ATP6V1B2: variants seen among roughly 807,000 people sequenced by gnomAD.
ATP6V1B2 encodes the protein ATPase H+ transporting V1 subunit B2, also known as V-type proton ATPase subunit B, brain isoform.
ATP6V1B2 carries 23 observed loss-of-function variants against 66.7 expected under a neutral mutation model. The observed-to-expected ratio is 0.34, with a 90% CI of 0.25 to 0.49. ATP6V1B2 has a LOEUF of 0.49. Ranked by LOEUF, ATP6V1B2 falls within the 20% of genes least tolerant of loss-of-function variation. The pLI, the probability that ATP6V1B2 is intolerant of heterozygous loss-of-function variation, is 0.99. For missense variants in ATP6V1B2, 478 were observed against 650.8 expected, an observed-to-expected ratio of 0.73 and a Z score of 2.89; for synonymous variants, 278 against 236.7, an observed-to-expected ratio of 1.17 and a Z score of -1.60.
chr8:20,197,439 C>T lies in ATP6V1B2; in HGVS notation c.33C>T (p.Asn11=). 1.3e-6 allele frequency: 2 copies of T among 1,545,106 alleles called. No homozygotes were observed. The highest frequency in any genetic ancestry group is 1.7e-6 in the Non-Finnish European group (2 of 1,146,696). The part of the protein sequence containing the change: MALRAMRGIV[N]GAAPELPVPT... ...TGCGGGCGATGCGGGGGATTGTCAA[C>T]GGGGCCGCACCCGAGCTACCCGTGC... Residue 11 remains asparagine (N), a synonymous_variant, in exon 1 of 14, where the codon AAC becomes AAT. Transcript: ENST00000276390.
At chr8:20,217,112 TG>T (rs1170600450) in intron 11 of ATP6V1B2, 107 bp from the exon 12 acceptor site, 2 of 911,484 alleles carry the variant, frequency 2.2e-6, no homozygotes, top group Non-Finnish European at 3.5e-6. Flanking sequence ...ATGCAGCGGT[TG>T]TCTTTGATTT....
At chr8:20,214,650 T>G in intron 9 of ATP6V1B2, 168 bp from the exon 10 acceptor site, 1 of 741,300 alleles carries the variant, frequency 1.3e-6, no homozygotes, top group Non-Finnish European at 1.9e-6. Flanking sequence ...ACAGAATACT[T>G]TGAATTTATG....
rs2072896990 is a variant in ATP6V1B2, at chr8:20,220,461, C to A, written c.*59C>A. 6 of 1,481,728 alleles carry A rather than the reference C, an allele frequency of 4.0e-6. No homozygotes were observed. The East Asian group carries it at 1.5e-4, about 38-fold the overall frequency. The allele number at this position is 1,481,728 out of a possible 1,614,324, so 91.8% of individuals were successfully genotyped here. ...AATACTGGTTCTGTTTTCTTTATTC[C>A]TTTTGCACTCTCGGTTCCCACCTTT... On this transcript the variant is annotated 3_prime_UTR_variant, in exon 14 of 14. Coordinates refer to ENST00000276390, the MANE Select transcript of ATP6V1B2 (RefSeq NM_001693.4).
chr8:20,215,039 G>A (rs1036725451), intron 10 of ATP6V1B2, 71 bp downstream of exon 10: 16 of 1,450,406 alleles, frequency 1.1e-5, no homozygotes, highest in Middle Eastern at 2.2e-4. Context: ...CTACCTTTTC[G>A]AGTTGAAGTT....
At chr8:20,219,867 CTG>C (rs771346083) in intron 13 of ATP6V1B2, among the ~76,000 whole-genome samples, 4 of 152,190 alleles carry the variant, frequency 2.6e-5, no homozygotes, top group Non-Finnish European at 5.9e-5. Context: ...TTCTGAGCAT[CTG>C]TGTTAGTCGC....
chr8:20,217,228 A>G lies in ATP6V1B2; in HGVS notation c.1170A>G (p.Pro390=), dbSNP rs778834632. Residue 390 remains proline, a synonymous_variant, in exon 12 of 14, where the codon CCA becomes CCG. Transcript: ENST00000276390. ...CTCTCATTCTACCCAAGATTTATCC[A>G]CCTATCAATGTGCTGCCCTCACTAT... The part of the protein sequence containing the change: ...DRQLHNRQIY[P]PINVLPSLSR... The G allele has an allele frequency of 1.2e-6, 2 of 1,611,922 alleles. No homozygotes were observed. The highest frequency in any genetic ancestry group is 1.7e-6 in the Non-Finnish European group (2 of 1,178,146).
intron 2 of ATP6V1B2, 110 bp from the exon 3 acceptor site, chr8:20,209,323 A>G: frequency 9.5e-7 from 1 of 1,052,048 alleles, no homozygotes. Flanking sequence ...GTGTCTGTGA[A>G]GAGTAGAGGG....
At chr8:20,214,327 A>C (rs58351397) in intron 9 of ATP6V1B2, 6,649 of 152,352 alleles carry the variant, frequency 0.044, 174 homozygotes, top group East Asian at 0.069. Flanking sequence ...CCAACTGTTA[A>C]TTGGAGGTAG....
At chr8:20,203,460 A>C (rs894075799) in intron 1 of ATP6V1B2, among the ~76,000 whole-genome samples, 1 of 152,220 alleles carries the variant, frequency 6.6e-6, no homozygotes, top group Non-Finnish European at 1.5e-5. Context: ...GGGAGTCCAC[A>C]TCTGTGCCAG....
Position 20,215,721 on chromosome 8 carries a change from C to T in ATP6V1B2, c.1079-692C>T, listed in dbSNP as rs574533413. On this transcript the variant is annotated intron_variant, in intron 10 of 13. Transcript: ENST00000276390. ...TTTGAGTTCATAACTCACACTGTTA[C>T]TCTGTACTGCCTCTGACGTGAAAAT... 3 of 152,270 alleles carry T rather than the reference C, an allele frequency of 2.0e-5. No homozygotes were observed. The South Asian group carries it at 6.2e-4, about 32-fold the overall frequency. 9.4% of individuals were successfully genotyped at this position (152,270 alleles called of 1,614,324 possible).
rs1342715459 is a variant in ATP6V1B2 at position 20,220,462 on chromosome 8, T to A, written c.*60T>A. 6.8e-7 allele frequency: 1 copy of A among 1,480,988 alleles called. No individual in the cohort carries two copies. The highest frequency in any genetic ancestry group is 1.5e-5 in the African/African-American group (1 of 68,932). The allele number at this position is 1,480,988 out of a possible 1,614,324, so 91.7% of individuals were successfully genotyped here. A position where few individuals can be genotyped will look rare whatever the true frequency, so the allele number is the denominator to read the frequency against. ...ATACTGGTTCTGTTTTCTTTATTCC[T>A]TTTGCACTCTCGGTTCCCACCTTTG... On this transcript the variant is annotated 3_prime_UTR_variant, in exon 14 of 14. Transcript: ENST00000276390.
At chr8:20,204,416 A>G in intron 1 of ATP6V1B2, 68 bp from the exon 2 acceptor site, 1 of 1,394,272 alleles carries the variant, frequency 7.2e-7, no homozygotes, top group Non-Finnish European at 1.0e-6. Context: ...ATTTTTGGTA[A>G]TGCCAGAGAG....
At chr8:20,200,442 TG>T (rs1307160347) in intron 1 of ATP6V1B2, among the ~76,000 whole-genome samples, 5 of 152,230 alleles carry the variant, frequency 3.3e-5, no homozygotes, top group Non-Finnish European at 7.3e-5. Context: ...CAAAAAGCTT[TG>T]TTTTTTGAAT....
rs868250772 is a variant in ATP6V1B2, at chr8:20,212,261, T to C, written c.803+62T>C. 16 of 1,516,778 alleles carry C rather than the reference T, an allele frequency of 1.1e-5. No homozygotes were observed. In the Middle Eastern group the frequency reaches 1.4e-3, roughly 129 times the overall value. The allele number at this position is 1,516,778 out of a possible 1,614,324, so 94.0% of individuals were successfully genotyped here. On this transcript the variant is annotated intron_variant, in intron 8 of 13. Coordinates refer to ENST00000276390, the MANE Select transcript of ATP6V1B2 (RefSeq NM_001693.4). ...TCGGGATCAAAAGTGTGTCTTAAGGTTGGGGAGGTAAAATGTGGTAATAAC... is the reference window on the plus strand; with the variant it reads ...TCGGGATCAAAAGTGTGTCTTAAGGCTGGGGAGGTAAAATGTGGTAATAAC...
intron 10 of ATP6V1B2, 41 bp downstream of exon 10, chr8:20,215,009 TAAAG>T: frequency 6.3e-7 from 1 of 1,592,098 alleles, no homozygotes. Context: ...CTAATCATTT[TAAAG>T]AGAGAGAAGA....
chr8:20,203,492 A>G (rs955905803), intron 1 of ATP6V1B2, among the ~76,000 whole-genome samples: 2 of 152,228 alleles, frequency 1.3e-5, no homozygotes, highest in African/African-American at 4.8e-5. Flanking sequence ...CAAGCTCATT[A>G]TAAGACCTCA....
At chr8:20,207,217 G>C (rs1000221174) in intron 2 of ATP6V1B2, among the ~76,000 whole-genome samples, 5 of 152,228 alleles carry the variant, frequency 3.3e-5, no homozygotes, top group Middle Eastern at 3.4e-3. Context: ...TAAAAATGAG[G>C]ATTTGGTTCA....
At chr8:20,217,388 CTT>C in intron 12 of ATP6V1B2, 64 bp downstream of exon 12, 1 of 1,402,010 alleles carries the variant, frequency 7.1e-7, no homozygotes. Context: ...TCTTACACCT[CTT>C]GTCTTTCACC....
chr8:20,216,907 A>C, intron 11 of ATP6V1B2: 1 of 301,864 alleles, frequency 3.3e-6, no homozygotes, highest in Non-Finnish European at 6.2e-6. Flanking sequence ...GTCAGTTCAG[A>C]AGACCATTTT....
Sources: allele counts gnomAD v4.1 joint callset (sites outside exome capture counted in the v4.1 genomes callset), GRCh38; gene constraint gnomAD v4.1.1; transcripts MANE v1.5; gene names NCBI Gene and HGNC (gene_info 2026-07-23, HGNC 2026-07-21).